The following MAP3K4 variants were observed in gnomAD, a reference collection of about 807,000 sequenced individuals.
The protein encoded by MAP3K4 is MAP three kinase 1.
A neutral mutation model predicts 185.6 loss-of-function variants in MAP3K4; 67 were observed. The ratio of observed to expected loss-of-function variants is 0.36; its 90% CI spans 0.30 to 0.44. MAP3K4 has a LOEUF of 0.44. MAP3K4 is among the 20% of genes least tolerant of loss of function. The pLI is 1.00. For synonymous variants in MAP3K4, 702 were observed against 710.4 expected, an observed-to-expected ratio of 0.99 and a Z score of 0.19; for missense variants, 1,551 against 1,995.1, an observed-to-expected ratio of 0.78 and a Z score of 4.24.
chr6:161,012,774 G>A (rs1781908846), intron 1 of MAP3K4, among the ~76,000 whole-genome samples: 1 of 152,188 alleles, frequency 6.6e-6, no homozygotes, highest in African/African-American at 2.4e-5. Flanking sequence ...GAGATCACAG[G>A]AATGATTAAT....
intron 1 of MAP3K4, among the ~76,000 whole-genome samples, chr6:161,026,389 C>T (rs925696504): frequency 6.6e-6 from 1 of 152,116 alleles, no homozygotes; most frequent in Non-Finnish European, 1.5e-5. Context: ...CCCTCCTTGG[C>T]CTCCCAAAGT....
chr6:161,077,023 G>T lies in MAP3K4; in HGVS notation c.2097+3411G>T, dbSNP rs546515230. Among the ~76,000 whole-genome samples, 1 of 152,280 alleles carries T rather than the reference G, an allele frequency of 6.6e-6. No individual in the cohort carries two copies. The highest frequency in any genetic ancestry group is 1.5e-5 in the Non-Finnish European group (1 of 68,030). Reference sequence around the variant, plus strand: ...TTTGTGGAGGTCAGGCTTCTCTGAGGGGGGAGCATTGCAACTTATCGGAAA... The same window carrying T: ...TTTGTGGAGGTCAGGCTTCTCTGAGTGGGGAGCATTGCAACTTATCGGAAA... On this transcript the variant is annotated intron_variant, in intron 5 of 26. Coordinates refer to ENST00000392142, the MANE Select transcript of MAP3K4 (RefSeq NM_005922.4). This position sits in a 1 kb window ranked among gnomAD's most constrained non-coding sequence, Gnocchi z 4.3.
Position 161,103,905 on chromosome 6 carries a change from G to C in MAP3K4, c.3856+1126G>C, listed in dbSNP as rs1216402066. ...AACCACTGACAAGCCTGGTGACAGA[G>C]TAGGTGTGTGTTGAGGGTTCAAGTG... On this transcript the variant is annotated intron_variant, in intron 19 of 26. Transcript: ENST00000392142. This position sits in a 1 kb window ranked among gnomAD's most constrained non-coding sequence, Gnocchi z 4.6. Among the ~76,000 whole-genome samples, 1 of 152,222 alleles carries C rather than the reference G, an allele frequency of 6.6e-6. No individual in the cohort carries two copies.
chr6:161,001,842 G>A (rs1045812724), intron 1 of MAP3K4, among the ~76,000 whole-genome samples: 2 of 152,114 alleles, frequency 1.3e-5, no homozygotes, highest in African/African-American at 4.8e-5. Flanking sequence ...CTGTTCTATA[G>A]TAAGTGCTCA....
At position 161,086,668 on chromosome 6, in the gene MAP3K4, G is replaced by GTAA; in HGVS notation, c.2556+2_2556+4dup. 1 of 1,606,592 alleles carries GTAA rather than the reference G, an allele frequency of 6.2e-7. No homozygotes were observed. ...TCTGAAATCAAAACAGTATGTCAAGGTAAGTACTTCAAATGTTGTGATTGA... is the reference window on the plus strand; with the variant it reads ...TCTGAAATCAAAACAGTATGTCAAGGTAATAAGTACTTCAAATGTTGTGATTGA... On this transcript the variant is annotated splice_donor_variant, in intron 9 of 26. Coordinates refer to ENST00000392142, the MANE Select transcript of MAP3K4 (RefSeq NM_005922.4). LOFTEE classifies it high-confidence loss of function. The surrounding 1 kb of genome is among the most constrained non-coding windows in gnomAD (Gnocchi z 4.8).
At chr6:161,001,365 T>C (rs1332484970) in intron 1 of MAP3K4, among the ~76,000 whole-genome samples, 1 of 152,124 alleles carries the variant, frequency 6.6e-6, no homozygotes, top group Non-Finnish European at 1.5e-5. Context: ...ATATGTCATA[T>C]GTAATCTATG....
At chr6:161,025,407 T>G (rs1782598355) in intron 1 of MAP3K4, among the ~76,000 whole-genome samples, 1 of 152,206 alleles carries the variant, frequency 6.6e-6, no homozygotes, top group Admixed American at 6.5e-5. Context: ...CCTTCCCTAC[T>G]CTAGTGTCCG....
chr6:161,072,150 C>T (rs1006620990), intron 4 of MAP3K4, among the ~76,000 whole-genome samples: 41 of 152,276 alleles, frequency 2.7e-4, no homozygotes, highest in African/African-American at 9.9e-4. Flanking sequence ...ATAATCTGAA[C>T]AGAACACTTT....
At chr6:161,000,858 CAT>C (rs1054244629) in intron 1 of MAP3K4, among the ~76,000 whole-genome samples, 3 of 146,928 alleles carry the variant, frequency 2.0e-5, no homozygotes, top group East Asian at 1.9e-4. Context: ...CACATATACA[CAT>C]GTGTACACAT....
chr6:161,043,351 G>A lies in MAP3K4; in HGVS notation c.344-5265G>A, dbSNP rs911110522. On this transcript the variant is annotated intron_variant, in intron 2 of 26. Transcript: ENST00000392142. The surrounding 1 kb of genome is among the most constrained non-coding windows in gnomAD (Gnocchi z 4.3). ...TCCCTTATTTAAGCTTCCATTCTTC[G>A]AGGCCCCAAATCAAGTACTTGCTTT... Among the ~76,000 whole-genome samples, 2 of 151,966 alleles carry A rather than the reference G, an allele frequency of 1.3e-5. No individual in the cohort carries two copies. Among genetic ancestry groups the A allele is most frequent in the Non-Finnish European group, 1.5e-5 (1 of 68,008 alleles).
At chr6:161,030,082 G>C (rs1212425089) in intron 1 of MAP3K4, among the ~76,000 whole-genome samples, 2 of 151,994 alleles carry the variant, frequency 1.3e-5, no homozygotes, top group Non-Finnish European at 2.9e-5. Flanking sequence ...CGAGCTTATG[G>C]TTTTCTCCAG....
At chr6:161,004,295 G>A (rs1249795667) in intron 1 of MAP3K4, among the ~76,000 whole-genome samples, 1 of 152,092 alleles carries the variant, frequency 6.6e-6, no homozygotes, top group Non-Finnish European at 1.5e-5. Context: ...AGTAGCACCA[G>A]GACTCTGATA....
rs1218043476 is a variant in MAP3K4, at chr6:161,049,810, C to T, written c.1538C>T (p.Thr513Ile). ...SLGWGAPDWS[T>I]EAGFSRHCLT... ...GGCTGGGGAGCACCAGACTGGAGCA[C>T]AGAAGCAGGCTTTAGTAGACATTGT... The change falls in exon 3 of 27, where the codon ACA becomes ATA. Residue 513 changes from threonine to isoleucine, a missense_variant. Physicochemically the swap from Thr to Ile is moderately conservative, Grantham distance 89. Around this residue, in one of 16 missense-constraint regions of MAP3K4, gnomAD observed 126 missense variants for 112.8 expected, o/e 1.12. Coordinates refer to ENST00000392142, the MANE Select transcript of MAP3K4 (RefSeq NM_005922.4). This position sits in a 1 kb window ranked among gnomAD's most constrained non-coding sequence, Gnocchi z 8.4. The T allele has an allele frequency of 8.1e-6, 13 of 1,614,008 alleles. No homozygotes were observed. The highest frequency in any genetic ancestry group is 1.1e-5 in the Non-Finnish European group (13 of 1,180,030).
At chr6:161,058,555 T>C (rs909443063) in intron 3 of MAP3K4, among the ~76,000 whole-genome samples, 1 of 152,200 alleles carries the variant, frequency 6.6e-6, no homozygotes, top group Non-Finnish European at 1.5e-5. Context: ...TGGAGTATAT[T>C]TTTGAAGTCC....
rs1225184943 is a variant in MAP3K4, at chr6:161,054,371, T to C, written c.1707+4392T>C. ...TGTTTCACCATGTTGGTCAGGCTGG[T>C]CTCAAACTCCTGACCTCACATGATC... On this transcript the variant is annotated intron_variant, in intron 3 of 26. Transcript: ENST00000392142. The surrounding 1 kb of genome is among the most constrained non-coding windows in gnomAD (Gnocchi z 4.2). Among the ~76,000 whole-genome samples, 1 of 152,162 alleles carries C rather than the reference T, an allele frequency of 6.6e-6. No homozygotes were observed. Among genetic ancestry groups the C allele is most frequent in the Non-Finnish European group, 1.5e-5 (1 of 68,034 alleles).
Position 161,086,409 on chromosome 6 carries a change from G to A in MAP3K4, c.2403G>A (p.Leu801=). Residue 801 remains leucine (L), a synonymous_variant, in exon 8 of 27, where the codon CTG becomes CTA. Coordinates refer to ENST00000392142, the MANE Select transcript of MAP3K4 (RefSeq NM_005922.4). The surrounding 1 kb of genome is among the most constrained non-coding windows in gnomAD (Gnocchi z 4.8). ...RRSVIEISRA[L]KELFHEARER... The stretch of plus-strand genomic sequence containing the variant: ...CTGTTATAGAGATCAGTCGAGCCCT[G>A]AAGGAGCTCTTCCATGAAGCCAGAG... 6.2e-7 allele frequency: 1 copy of A among 1,614,064 alleles called. No individual in the cohort carries two copies. The highest frequency in any genetic ancestry group is 2.2e-5 in the East Asian group (1 of 44,874).
At chr6:161,055,380 T>C (rs1260822889) in intron 3 of MAP3K4, among the ~76,000 whole-genome samples, 2 of 152,244 alleles carry the variant, frequency 1.3e-5, no homozygotes, top group East Asian at 1.9e-4. Flanking sequence ...TGCATACAAT[T>C]GTATTTTTTA....
chr6:161,021,792 GA>G (rs1287717400), intron 1 of MAP3K4, among the ~76,000 whole-genome samples: 1 of 152,136 alleles, frequency 6.6e-6, no homozygotes, highest in Non-Finnish European at 1.5e-5. Flanking sequence ...GGTCATTGTT[GA>G]ATGAAATAAA....
Position 161,101,717 on chromosome 6 carries a change from C to T in MAP3K4, c.3675-175C>T. ...TCTGTCCTGTGCGTTTTCCGCTGCC[C>T]ACTAGATGCCAGTAGCACCCTCCCA... On this transcript the variant is annotated intron_variant, in intron 17 of 26. Transcript: ENST00000392142. The surrounding 1 kb of genome is among the most constrained non-coding windows in gnomAD (Gnocchi z 5.1). 2 of 579,964 alleles carry T rather than the reference C, an allele frequency of 3.4e-6. No homozygotes were observed. The highest frequency in any genetic ancestry group is 2.9e-5 in the Admixed American group (1 of 34,314). 35.9% of individuals were successfully genotyped at this position (579,964 alleles called of 1,614,324 possible).
Sources: gnomAD v4.1 joint callset for allele counts (sites outside exome capture counted in the v4.1 genomes callset) on GRCh38, gnomAD v4.1.1 for gene constraint, gnomAD v4.1.1 regional missense constraint, Gnocchi (gnomAD v3.1) non-coding constraint, MANE v1.5 for transcripts, NCBI Gene and HGNC (gene_info 2026-07-23, HGNC 2026-07-21) for gene names.